TTC6: variants seen among roughly 807,000 people sequenced by gnomAD.
TTC6 encodes tetratricopeptide repeat protein 6.
A neutral mutation model predicts 210.4 loss-of-function variants in TTC6; 172 were observed. The observed-to-expected ratio is 0.82, with a 90% CI of 0.72 to 0.93. The LOEUF is 0.93. TTC6 is among the 40% of genes least tolerant of loss of function. The probability of loss-of-function intolerance (pLI) is 0.00; values close to 1 mark genes in which losing one functional copy is unlikely to be tolerated. For synonymous variants in TTC6, 804 were observed against 819.6 expected (o/e 0.98, Z 0.32); for missense variants, 2,414 against 2,318.1 (o/e 1.04, Z -0.85).
At chr14:37,813,368 G>C (rs1266892907) in intron 25 of TTC6, among the ~76,000 whole-genome samples, 5 of 152,172 alleles carry the variant, frequency 3.3e-5, no homozygotes, top group African/African-American at 1.2e-4. Context: ...GAACCTCCCT[G>C]TTTGTAGTAG....
intron 1 of TTC6, 119 bp downstream of exon 1, chr14:37,596,127 G>C (rs1181049498): frequency 6.6e-6 from 1 of 152,162 alleles, no homozygotes; most frequent in Non-Finnish European, 1.5e-5. Context: ...ACTGAGAGCA[G>C]ATGTCTGTGT....
chr14:37,750,651 C>T (rs961022876), intron 12 of TTC6, among the ~76,000 whole-genome samples: 2 of 152,114 alleles, frequency 1.3e-5, no homozygotes, highest in Non-Finnish European at 2.9e-5. Context: ...CTTTGGGAGG[C>T]TGAGGTGGGC....
At chr14:37,597,274 C>T (rs1252704241) in intron 1 of TTC6, among the ~76,000 whole-genome samples, 1 of 152,146 alleles carries the variant, frequency 6.6e-6, no homozygotes, top group Non-Finnish European at 1.5e-5. Flanking sequence ...GCTTCCTGGG[C>T]CTGATCCGGG....
chr14:37,836,896 A>G (rs2096199169), intron 29 of TTC6, among the ~76,000 whole-genome samples: 1 of 152,200 alleles, frequency 6.6e-6, no homozygotes, highest in Non-Finnish European at 1.5e-5. Context: ...TAGTGACTTA[A>G]TGATAACCAC....
intron 24 of TTC6, 78 bp from the exon 27 acceptor site, chr14:37,812,236 G>T (rs1374554307): frequency 1.4e-6 from 2 of 1,451,554 alleles, no homozygotes; most frequent in Non-Finnish European, 1.9e-6. Context: ...TCCTAGTTTG[G>T]ACATAAATAC....
At chr14:37,596,321 G>A (rs991738073) in intron 1 of TTC6, among the ~76,000 whole-genome samples, 1 of 152,248 alleles carries the variant, frequency 6.6e-6, no homozygotes, top group Non-Finnish European at 1.5e-5. Context: ...CCTGGGCGCG[G>A]GAACGCATCT....
intron 15 of TTC6, 148 bp from the exon 18 acceptor site, chr14:37,790,569 C>T: frequency 1.5e-6 from 1 of 667,330 alleles, no homozygotes; most frequent in Non-Finnish European, 2.4e-6. Flanking sequence ...TTTAACTTAC[C>T]AAACAAGTAC....
chr14:37,647,749 T>C (rs1007997240), intron 1 of TTC6, among the ~76,000 whole-genome samples: 2 of 152,010 alleles, frequency 1.3e-5, no homozygotes, highest in Non-Finnish European at 2.9e-5. Flanking sequence ...CTGGAAGAGA[T>C]GACCCGGGGG....
At chr14:37,609,333 T>C (rs2095630553) in intron 2 of TTC6, among the ~76,000 whole-genome samples, 1 of 152,172 alleles carries the variant, frequency 6.6e-6, no homozygotes, top group East Asian at 1.9e-4. Flanking sequence ...GGAGGATTGC[T>C]TGAGCCTGGG....
intron 1 of TTC6, among the ~76,000 whole-genome samples, chr14:37,644,224 G>A (rs1452867513): frequency 6.6e-6 from 1 of 152,132 alleles, no homozygotes; most frequent in Non-Finnish European, 1.5e-5. Flanking sequence ...TAGTGGATTA[G>A]ACAGGATGAA....
chr14:37,625,087 G>A (rs907019589), intron 1 of TTC6, among the ~76,000 whole-genome samples: 17 of 152,002 alleles, frequency 1.1e-4, no homozygotes, highest in African/African-American at 3.4e-4. Context: ...CCTGGATTTC[G>A]TTCTTGGCTT....
intron 14 of TTC6, among the ~76,000 whole-genome samples, chr14:37,753,610 C>T (rs989666040): frequency 2.6e-5 from 4 of 152,124 alleles, no homozygotes; most frequent in African/African-American, 9.7e-5. Context: ...ACACTATCAC[C>T]CTGTCTACGG....
intron 14 of TTC6, among the ~76,000 whole-genome samples, chr14:37,783,087 C>A (rs2096059252): frequency 1.3e-5 from 2 of 151,930 alleles, no homozygotes; most frequent in Non-Finnish European, 2.9e-5. Flanking sequence ...GTCTAAAATT[C>A]TCTTTTTTTT....
intron 1 of TTC6, among the ~76,000 whole-genome samples, chr14:37,667,682 A>G (rs2095750796): frequency 6.6e-6 from 1 of 150,760 alleles, no homozygotes; most frequent in African/African-American, 2.4e-5. Flanking sequence ...AAGAATGAGA[A>G]TAAGGGGTGT....
chr14:37,794,293 T>A (rs1433635288), intron 17 of TTC6, among the ~76,000 whole-genome samples: 2 of 152,222 alleles, frequency 1.3e-5, no homozygotes, highest in Admixed American at 6.5e-5. Context: ...TCCTCCTTTT[T>A]TGTTTCCTCT....
intron 1 of TTC6, among the ~76,000 whole-genome samples, chr14:37,647,734 T>C (rs2095704141): frequency 1.3e-5 from 2 of 151,954 alleles, no homozygotes; most frequent in South Asian, 4.1e-4. Flanking sequence ...TTTGAATTCA[T>C]GAAACTGGAA....
At chr14:37,662,385 C>G (rs950786409) in intron 1 of TTC6, among the ~76,000 whole-genome samples, 5 of 152,058 alleles carry the variant, frequency 3.3e-5, no homozygotes, top group Admixed American at 3.3e-4. Context: ...TTATTTAAGG[C>G]CTTTTCTGCG....
At chr14:37,815,268 G>T (rs552660561) in intron 25 of TTC6, among the ~76,000 whole-genome samples, 1 of 152,152 alleles carries the variant, frequency 6.6e-6, no homozygotes, top group African/African-American at 2.4e-5. Flanking sequence ...AATCATAAGT[G>T]TATAGCAGTG....
exon 3 of TTC6, chr14:37,682,897 T>C (rs2095787037): frequency 6.5e-7 from 1 of 1,535,540 alleles, no homozygotes; most frequent in African/African-American, 1.4e-5. Context: ...GCAGAGGAAT[T>C]AAGTAAACCT....
Sources: gnomAD v4.1 joint callset for allele counts (sites outside exome capture counted in the v4.1 genomes callset) on GRCh38, gnomAD v4.1.1 for gene constraint, MANE v1.5 for transcripts, NCBI Gene and HGNC (gene_info 2026-07-23, HGNC 2026-07-21) for gene names.